The following SCN2A variants were observed in gnomAD, a reference collection of about 807,000 sequenced individuals.
The protein encoded by SCN2A is sodium voltage-gated channel alpha subunit 2.
SCN2A carries 20 observed loss-of-function variants against 188.7 expected under a neutral mutation model. The ratio of observed to expected loss-of-function variants is 0.11; its 90% CI spans 0.07 to 0.15. The LOEUF (loss-of-function observed/expected upper bound fraction) is 0.15. Among genes scored for constraint, SCN2A ranks in the 10% least tolerant of loss-of-function variants. The probability of loss-of-function intolerance (pLI) is 1.00; values close to 1 mark genes in which losing one functional copy is unlikely to be tolerated. For missense variants in SCN2A, 1,278 were observed against 2,445.0 expected, an observed-to-expected ratio of 0.52 and a Z score of 10.07; for synonymous variants, 804 against 833.1, an observed-to-expected ratio of 0.97 and a Z score of 0.60.
intron 25 of SCN2A, among the ~76,000 whole-genome samples, chr2:165,383,265 A>G (rs1701697843): frequency 6.6e-6 from 1 of 152,056 alleles, no homozygotes; most frequent in African/African-American, 2.4e-5. Flanking sequence ...TAATCAGGGA[A>G]GTTAGGGAAG....
chr2:165,311,992 A>G lies in SCN2A; in HGVS notation c.971-33A>G. 3 of 1,528,570 alleles carry G rather than the reference A, an allele frequency of 2.0e-6. No individual in the cohort carries two copies. In the East Asian group the frequency reaches 6.8e-5, roughly 34 times the overall value. 94.7% of individuals were successfully genotyped at this position (1,528,570 alleles called of 1,614,324 possible). ...TGGCTGAAGTGTTTTACAGGATTTT[A>G]ATGATTCTTTCTATTCCTTTCTCTT... is the stretch of plus-strand genomic sequence containing the variant. On this transcript the variant is annotated intron_variant, in intron 7 of 26. Coordinates refer to ENST00000375437, the MANE Select transcript of SCN2A (RefSeq NM_001040142.2).
chr2:165,246,492 A>G (rs1260879569), intron 1 of SCN2A, among the ~76,000 whole-genome samples: 1 of 151,614 alleles, frequency 6.6e-6, no homozygotes, highest in Non-Finnish European at 1.5e-5. Context: ...TTCATCTACA[A>G]CTCCAATTCA....
At chr2:165,316,245 A>G (rs1697741677) in intron 11 of SCN2A, among the ~76,000 whole-genome samples, 1 of 152,118 alleles carries the variant, frequency 6.6e-6, no homozygotes, top group African/African-American at 2.4e-5. Flanking sequence ...AATATCTCTA[A>G]AAGTAGCCAA....
At chr2:165,262,328 G>C (rs1321125652) in intron 1 of SCN2A, among the ~76,000 whole-genome samples, 4 of 152,088 alleles carry the variant, frequency 2.6e-5, no homozygotes, top group African/African-American at 7.2e-5. Flanking sequence ...GACCCAAGCA[G>C]TGTACACTGT....
chr2:165,381,244 C>T, intron 25 of SCN2A, 47 bp downstream of exon 25: 1 of 1,333,492 alleles, frequency 7.5e-7, no homozygotes. Context: ...TATTACCTAA[C>T]CGTTTCACAG....
chr2:165,278,567 AT>A (rs1695446145), intron 1 of SCN2A, among the ~76,000 whole-genome samples: 1 of 152,110 alleles, frequency 6.6e-6, no homozygotes, highest in Admixed American at 6.5e-5. Context: ...GATTATGGAG[AT>A]TACCATTTAA....
chr2:165,379,719 G>A (rs571642049), intron 23 of SCN2A, among the ~76,000 whole-genome samples: 1 of 151,708 alleles, frequency 6.6e-6, no homozygotes, highest in South Asian at 2.1e-4. Flanking sequence ...TTTCCATTTT[G>A]CTGTATTTCC....
chr2:165,377,215 A>G (rs574453790), intron 22 of SCN2A, among the ~76,000 whole-genome samples: 40 of 152,138 alleles, frequency 2.6e-4, no homozygotes, highest in Non-Finnish European at 4.7e-4. Context: ...GCATTAAGAT[A>G]AATAATGCAG....
At chr2:165,341,964 A>G (rs1479087436) in intron 14 of SCN2A, among the ~76,000 whole-genome samples, 4 of 152,172 alleles carry the variant, frequency 2.6e-5, no homozygotes, top group African/African-American at 7.2e-5. Context: ...CCGCACTGCT[A>G]GGTAATCATT....
At chr2:165,248,795 A>G (rs376751570) in intron 1 of SCN2A, among the ~76,000 whole-genome samples, 1 of 152,116 alleles carries the variant, frequency 6.6e-6, no homozygotes, top group East Asian at 1.9e-4. Flanking sequence ...TTCCTGATCT[A>G]TAGAAGAGAC....
chr2:165,379,594 A>T (rs1366854434), intron 23 of SCN2A, among the ~76,000 whole-genome samples: 1 of 151,746 alleles, frequency 6.6e-6, no homozygotes, highest in Non-Finnish European at 1.5e-5. Flanking sequence ...ACTTTCCTGT[A>T]TGTATATTGT....
intron 17 of SCN2A, among the ~76,000 whole-genome samples, chr2:165,362,431 A>G (rs1222399129): frequency 6.6e-6 from 1 of 151,976 alleles, no homozygotes; most frequent in Non-Finnish European, 1.5e-5. Context: ...ACACCTCAAC[A>G]TGCTTCTCAT....
chr2:165,360,021 A>G (rs915033948), intron 17 of SCN2A, among the ~76,000 whole-genome samples: 1 of 151,914 alleles, frequency 6.6e-6, no homozygotes, highest in Non-Finnish European at 1.5e-5. Context: ...GTTCTCAGAA[A>G]CCAAAATTGT....
intron 16 of SCN2A, among the ~76,000 whole-genome samples, chr2:165,349,271 A>G (rs944052835): frequency 1.3e-5 from 2 of 152,242 alleles, no homozygotes; most frequent in African/African-American, 4.8e-5. Flanking sequence ...TAAGTTTGGG[A>G]CCAGATTGGG....
At chr2:165,330,255 ATT>A (rs1698605076) in intron 13 of SCN2A, among the ~76,000 whole-genome samples, 1 of 152,200 alleles carries the variant, frequency 6.6e-6, no homozygotes, top group Non-Finnish European at 1.5e-5. Flanking sequence ...TGGTGGCCAC[ATT>A]TTGGCAGAAC....
In SCN2A at chr2:165,389,986, C is replaced by A; in HGVS notation, c.*162C>A. ...CTATAACAAGACAGAGACCTCTGGT[C>A]AGCAAACTGGAACTCAGTAAACTGG... is the stretch of plus-strand genomic sequence containing the variant. On this transcript the variant is annotated 3_prime_UTR_variant, in exon 27 of 27. Coordinates refer to ENST00000375437, the MANE Select transcript of SCN2A (RefSeq NM_001040142.2). This position sits in a 1 kb window ranked among gnomAD's most constrained non-coding sequence, Gnocchi z 4.2. 1 of 1,186,886 alleles carries A rather than the reference C, an allele frequency of 8.4e-7. No homozygotes were observed. Among genetic ancestry groups the A allele is most frequent in the Non-Finnish European group, 1.1e-6 (1 of 872,816 alleles). 73.5% of individuals were successfully genotyped at this position (1,186,886 alleles called of 1,614,324 possible). A position where few individuals can be genotyped will look rare whatever the true frequency, so the allele number is the denominator to read the frequency against.
intron 1 of SCN2A, among the ~76,000 whole-genome samples, chr2:165,294,502 T>C (rs1574521827): frequency 6.6e-6 from 1 of 152,306 alleles, no homozygotes; most frequent in East Asian, 1.9e-4. Context: ...TTTGTTATTT[T>C]AGGTTTCCCT....
chr2:165,332,312 G>A (rs73023788), intron 14 of SCN2A, among the ~76,000 whole-genome samples: 4,019 of 151,868 alleles, frequency 0.026, 191 homozygotes, highest in African/African-American at 0.091. Flanking sequence ...ATATTTTTAG[G>A]CTCTGAAGTA....
intron 6 of SCN2A, among the ~76,000 whole-genome samples, 165 bp from the exon 7 acceptor site, chr2:165,310,158 C>T (rs1697352450): frequency 6.6e-6 from 1 of 152,120 alleles, no homozygotes; most frequent in South Asian, 2.1e-4. Context: ...TTTTCACCAG[C>T]TAGCAGGCTT....
Sources: gnomAD v4.1 joint callset for allele counts (sites outside exome capture counted in the v4.1 genomes callset) on GRCh38, gnomAD v4.1.1 for gene constraint, Gnocchi (gnomAD v3.1) non-coding constraint, MANE v1.5 for transcripts, NCBI Gene and HGNC (gene_info 2026-07-23, HGNC 2026-07-21) for gene names.